The following MAGI3 variants were observed in gnomAD, a reference collection of about 807,000 sequenced individuals.
MAGI3 encodes membrane-associated guanylate kinase, WW and PDZ domain-containing protein 3.
A neutral mutation model predicts 121.8 loss-of-function variants in MAGI3; 43 were observed. The ratio of observed to expected loss-of-function variants is 0.35; its 90% CI spans 0.28 to 0.46. The LOEUF (loss-of-function observed/expected upper bound fraction) is 0.46, where lower values mean the gene tolerates loss of function less well. MAGI3 is among the 20% of genes least tolerant of loss of function. The probability of loss-of-function intolerance (pLI) is 1.00; values close to 1 mark genes in which losing one functional copy is unlikely to be tolerated. For missense variants in MAGI3, 1,547 were observed against 1,797.3 expected, an observed-to-expected ratio of 0.86 and a Z score of 2.52; for synonymous variants, 553 against 639.3, an observed-to-expected ratio of 0.86 and a Z score of 2.04.
intron 1 of MAGI3, among the ~76,000 whole-genome samples, chr1:113,517,882 C>G (rs1434122819): frequency 6.6e-6 from 1 of 151,862 alleles, no homozygotes; most frequent in Non-Finnish European, 1.5e-5. Flanking sequence ...TACCTTAAGG[C>G]CTGAATTATT....
rs181803689 is a variant in MAGI3, at chr1:113,678,725, G to T, written c.3190-2473G>T. 2.6e-5 allele frequency among the ~76,000 whole-genome samples: 4 copies of T among 152,148 alleles called. No homozygotes were observed. In the East Asian group the frequency reaches 5.8e-4, roughly 22 times the overall value. On this transcript the variant is annotated intron_variant, in intron 19 of 20. Transcript: ENST00000307546. ...GTCCTCCCAGAATCCCACGAAATAG[G>T]TACTAATATTATCCTCATTTAACAG... is the stretch of plus-strand genomic sequence containing the variant.
chr1:113,591,574 G>A (rs188659604), intron 5 of MAGI3, among the ~76,000 whole-genome samples: 16 of 152,136 alleles, frequency 1.1e-4, no homozygotes, highest in Admixed American at 7.9e-4. Flanking sequence ...TAAAAGACAC[G>A]GATCTTTGGA....
chr1:113,536,086 A>G (rs1253759043), intron 1 of MAGI3, among the ~76,000 whole-genome samples: 1 of 151,630 alleles, frequency 6.6e-6, no homozygotes, highest in Non-Finnish European at 1.5e-5. Context: ...AATCCCATGT[A>G]TAGCCAAATA....
intron 1 of MAGI3, among the ~76,000 whole-genome samples, chr1:113,447,710 C>T (rs532690986): frequency 2.2e-4 from 34 of 152,102 alleles, no homozygotes; most frequent in African/African-American, 7.0e-4. Context: ...AAAAATTAGC[C>T]ATGCATGGTG....
In MAGI3 at chr1:113,409,972, C is replaced by T. The variant is rs114845200; in HGVS notation, c.316+18623C>T. On this transcript the variant is annotated intron_variant, in intron 1 of 20. Transcript: ENST00000307546. ...TGCAAGTCACGCCGTTAAACGTATT[C>T]TGCCTAATGTAAATGATTCTGGAAA... 5.4e-3 allele frequency among the ~76,000 whole-genome samples: 828 copies of T among 152,222 alleles called. 10 individuals carry two copies. The highest frequency in any genetic ancestry group is 0.019 in the African/African-American group (780 of 41,552).
intron 8 of MAGI3, among the ~76,000 whole-genome samples, chr1:113,620,676 G>C (rs1361028776): frequency 6.6e-6 from 1 of 152,150 alleles, no homozygotes; most frequent in Admixed American, 6.5e-5. Flanking sequence ...CTAAGAGTAA[G>C]ACAGGGCTTG....
chr1:113,670,664 T>C (rs1029050547), intron 16 of MAGI3, among the ~76,000 whole-genome samples: 2 of 152,226 alleles, frequency 1.3e-5, no homozygotes, highest in Non-Finnish European at 2.9e-5. Flanking sequence ...AAAATGATGA[T>C]AGTTATAATA....
At chr1:113,641,031 GATATATATAAT>G (rs1557868880) in intron 9 of MAGI3, among the ~76,000 whole-genome samples, 7 of 97,896 alleles carry the variant, frequency 7.2e-5, no homozygotes, top group Admixed American at 1.2e-4. Context: ...TAATATATAT[GATATATATAAT>G]ATATATGATA....
In MAGI3 at chr1:113,422,857, C is replaced by G. The variant is rs1455311582; in HGVS notation, c.316+31508C>G. Among the ~76,000 whole-genome samples the G allele has an allele frequency of 6.6e-6, 1 of 152,182 alleles. No homozygotes were observed. Among genetic ancestry groups the G allele is most frequent in the African/African-American group, 2.4e-5 (1 of 41,436 alleles). On this transcript the variant is annotated intron_variant, in intron 1 of 20. Transcript: ENST00000307546. The surrounding 1 kb of genome is among the most constrained non-coding windows in gnomAD (Gnocchi z 4.3). ...TCTGGCTTGCAGCTCCTGGGCTGAT[C>G]CGGCCCCACCGCTACTTCCCATTGC...
At chr1:113,565,471 A>G (rs1295738951) in intron 2 of MAGI3, among the ~76,000 whole-genome samples, 2 of 152,216 alleles carry the variant, frequency 1.3e-5, no homozygotes, top group Non-Finnish European at 2.9e-5. Flanking sequence ...GTTCCACAAC[A>G]GCATTCACTT....
At chr1:113,418,347 A>G (rs1220038846) in intron 1 of MAGI3, among the ~76,000 whole-genome samples, 1 of 152,110 alleles carries the variant, frequency 6.6e-6, no homozygotes, top group African/African-American at 2.4e-5. Context: ...AATTTTCCAC[A>G]GTGTCTAATT....
intron 1 of MAGI3, among the ~76,000 whole-genome samples, chr1:113,454,315 A>G (rs539932284): frequency 6.6e-6 from 1 of 152,296 alleles, no homozygotes; most frequent in South Asian, 2.1e-4. Context: ...AAGGCTAACT[A>G]CTTTTTACCC....
At chr1:113,510,805 T>G (rs1657576673) in intron 1 of MAGI3, among the ~76,000 whole-genome samples, 1 of 152,220 alleles carries the variant, frequency 6.6e-6, no homozygotes, top group African/African-American at 2.4e-5. Flanking sequence ...AAGCCACATT[T>G]AACTGCATGC....
Position 113,551,441 on chromosome 1 carries a change from A to G in MAGI3, c.433+1810A>G, listed in dbSNP as rs191734904. 2.0e-3 allele frequency among the ~76,000 whole-genome samples: 306 copies of G among 152,336 alleles called. 3 individuals carry two copies. The highest frequency in any genetic ancestry group is 7.1e-3 in the African/African-American group (296 of 41,580). On this transcript the variant is annotated intron_variant, in intron 2 of 20. Transcript: ENST00000307546. Reference sequence around the variant, plus strand: ...TCCAAAATCTATAGTTTATCCTTCAAAGATTTCTACTGACAAAGTTCAGAC... The same window carrying G: ...TCCAAAATCTATAGTTTATCCTTCAGAGATTTCTACTGACAAAGTTCAGAC...
At chr1:113,463,397 G>T (rs12118048) in intron 1 of MAGI3, among the ~76,000 whole-genome samples, 82,231 of 144,672 alleles carry the variant, frequency 0.57, 23,695 homozygotes, top group African/African-American at 0.72. Flanking sequence ...GATACTGAGA[G>T]GGTGCAACCA....
chr1:113,416,128 G>T (rs369937160), intron 1 of MAGI3, among the ~76,000 whole-genome samples: 11 of 98,122 alleles, frequency 1.1e-4, no homozygotes, highest in African/African-American at 3.8e-4. Flanking sequence ...TGTAATTAAT[G>T]ACACATATTA....
intron 1 of MAGI3, among the ~76,000 whole-genome samples, chr1:113,437,894 TTCTC>T: frequency 4.7e-4 from 1 of 2,120 alleles, no homozygotes; most frequent in East Asian, 0.083. Flanking sequence ...CTCCTTCTCC[TTCTC>T]CTTCTCCTTC....
At chr1:113,622,522 C>A (rs1650890308) in intron 8 of MAGI3, among the ~76,000 whole-genome samples, 1 of 152,152 alleles carries the variant, frequency 6.6e-6, no homozygotes, top group African/African-American at 2.4e-5. Flanking sequence ...GTTTGTGACA[C>A]TTGACTTCAT....
intron 1 of MAGI3, among the ~76,000 whole-genome samples, chr1:113,523,653 A>G (rs1658311853): frequency 6.6e-6 from 1 of 152,228 alleles, no homozygotes; most frequent in African/African-American, 2.4e-5. Context: ...TAAGTAGTAA[A>G]GCATTCAAGG....
Sources: allele counts gnomAD v4.1 joint callset (sites outside exome capture counted in the v4.1 genomes callset), GRCh38; gene constraint gnomAD v4.1.1; non-coding constraint Gnocchi (gnomAD v3.1); transcripts MANE v1.5; gene names NCBI Gene and HGNC (gene_info 2026-07-23, HGNC 2026-07-21).